Variants in SMIM24 observed in about 807,000 individuals in gnomAD.
The protein encoded by SMIM24 is small integral membrane protein 24, also known as MAP17-related dimer.
A neutral mutation model predicts 10.8 loss-of-function variants in SMIM24; 6 were observed. That is an observed-to-expected ratio of 0.55 (90% CI 0.30 to 1.09). SMIM24 has a LOEUF of 1.09. Ranked by LOEUF, SMIM24 falls within the 50% of genes least tolerant of loss-of-function variation. SMIM24 has a pLI of 0.06. For synonymous variants in SMIM24, 71 were observed against 62.4 expected (o/e 1.14, Z -0.65); for missense variants, 151 against 153.4 (o/e 0.98, Z 0.08).
chr19:3,474,872 G>A lies in SMIM24; in HGVS notation c.364C>T (p.His122Tyr). The change falls in exon 4 of 4, where the codon CAT (histidine) becomes TAT (tyrosine). Residue 122 changes from histidine to tyrosine, a missense_variant. Coordinates refer to ENST00000215531, the MANE Select transcript of SMIM24 (RefSeq NM_001136503.2). ...ATGACTGTGCTCTTTGCTCTCTCATGGTCTCCGGGCTCTTTTTCCTCCAGA... is the reference window on the plus strand; with the variant it reads ...ATGACTGTGCTCTTTGCTCTCTCATAGTCTCCGGGCTCTTTTTCCTCCAGA... ...LDLEEKEPGD[H>Y]ERAKSTVM 1.3e-6 allele frequency: 2 copies of A among 1,551,586 alleles called. No individual in the cohort carries two copies. Among genetic ancestry groups the A allele is most frequent in the Non-Finnish European group, 1.7e-6 (2 of 1,146,992 alleles).
chr19:3,479,626 G>T (rs1017893825), intron 1 of SMIM24, among the ~76,000 whole-genome samples: 1 of 147,702 alleles, frequency 6.8e-6, no homozygotes, highest in Non-Finnish European at 1.5e-5. Context: ...CAACAGACGA[G>T]GGGCTCAGGG....
At chr19:3,479,403 A>G in intron 1 of SMIM24, among the ~76,000 whole-genome samples, 2 of 99,334 alleles carry the variant, frequency 2.0e-5, no homozygotes, top group Admixed American at 1.1e-4. Flanking sequence ...TATAAAGAAG[A>G]GTCTGGGGGG....
rs1008120078 is a variant in SMIM24 at position 3,480,386 on chromosome 19, C to T, written c.67+11G>A. ...ATCCCGCGACGCCCCCTCCCGCCCC[C>T]CTGCACCTACCCTGCTGGGCCTCCA... On this transcript the variant is annotated intron_variant, in intron 1 of 3. Transcript: ENST00000215531. The T allele has an allele frequency of 1.2e-4, 178 of 1,546,090 alleles. No homozygotes were observed. The highest frequency in any genetic ancestry group is 1.5e-4 in the Non-Finnish European group (173 of 1,144,462).
Position 3,474,727 on chromosome 19 carries a change from A to G in SMIM24, c.*116T>C, listed in dbSNP as rs1034276978. On this transcript the variant is annotated 3_prime_UTR_variant, in exon 4 of 4. Transcript: ENST00000215531. ...TTCCAAGCCTTCTTCACTTGAGAAC[A>G]CTGTATTCTGAATCCCAGATGGAGT... 32 of 1,328,912 alleles carry G rather than the reference A, an allele frequency of 2.4e-5. No homozygotes were observed. Among genetic ancestry groups the G allele is most frequent in the Non-Finnish European group, 2.9e-5 (29 of 997,700 alleles). The allele number at this position is 1,328,912 out of a possible 1,614,324, so 82.3% of individuals were successfully genotyped here. A position where few individuals can be genotyped will look rare whatever the true frequency, so the allele number is the denominator to read the frequency against.
chr19:3,478,841 G>A lies in SMIM24; in HGVS notation c.156C>T (p.Asn52=), dbSNP rs2082804381. Residue 52 remains asparagine, a synonymous_variant, in exon 2 of 4, where the codon AAC becomes AAT. Transcript: ENST00000215531. ...LFIVYLVLLA[N]RLWCSKARAE... ...ACCTGGCCTTGGAACACCAGAGGCG[G>A]TTGGCCAGCAAGACCAAATAGACGA... is the stretch of plus-strand genomic sequence containing the variant. The A allele has an allele frequency of 6.5e-7, 1 of 1,549,732 alleles. No individual in the cohort carries two copies. The highest frequency in any genetic ancestry group is 2.4e-5 in the East Asian group (1 of 40,886).
Position 3,474,126 on chromosome 19 carries a change from C to T in SMIM24, c.*717G>A, listed in dbSNP as rs2082783506. ...TGCAGGGCCCTGGGGCACCCCCACC[C>T]TCCAAGATACAGCTCCCAGGAAAAA... On this transcript the variant is annotated 3_prime_UTR_variant, in exon 4 of 4. Coordinates refer to ENST00000215531, the MANE Select transcript of SMIM24 (RefSeq NM_001136503.2). 1 of 151,614 alleles carries T rather than the reference C, an allele frequency of 6.6e-6. No homozygotes were observed. Among genetic ancestry groups the T allele is most frequent in the African/African-American group, 2.4e-5 (1 of 41,294 alleles). 9.4% of individuals were successfully genotyped at this position (151,614 alleles called of 1,614,324 possible).
At position 3,479,557 on chromosome 19, in the gene SMIM24, G is replaced by A. The variant is rs138576819; in HGVS notation, c.68-628C>T. Among the ~76,000 whole-genome samples the A allele has an allele frequency of 8.1e-3, 1,217 of 150,668 alleles. 21 individuals carry two copies. Among genetic ancestry groups the A allele is most frequent in the African/African-American group, 0.028 (1,125 of 40,848 alleles). On this transcript the variant is annotated intron_variant, in intron 1 of 3. Transcript: ENST00000215531. ...CAGAGTGGGAGGGGCTTATAAAGGC[G>A]GCAGAGGCTCAGGAGGAGGGGCTTA...
chr19:3,476,710 G>C (rs921126418), intron 3 of SMIM24, among the ~76,000 whole-genome samples: 1 of 152,046 alleles, frequency 6.6e-6, no homozygotes, highest in Non-Finnish European at 1.5e-5. Flanking sequence ...CTGTCCCCAA[G>C]CCTTTGCCCA....
chr19:3,479,589 A>G (rs770676014), intron 1 of SMIM24, among the ~76,000 whole-genome samples: 5 of 142,636 alleles, frequency 3.5e-5, no homozygotes, highest in Non-Finnish European at 7.6e-5. Context: ...CTTATAAAGA[A>G]GGAGGAGCTC....
At position 3,474,791 on chromosome 19, in the gene SMIM24, G is replaced by A. The variant is rs1240794539; in HGVS notation, c.*52C>T. On this transcript the variant is annotated 3_prime_UTR_variant, in exon 4 of 4. Transcript: ENST00000215531. ...TCAAGTCCAGGGCACTGCTTTTAGG[G>A]GGCAGAAGAGGCATCTCTGGGGGAC... is the stretch of plus-strand genomic sequence containing the variant. 1.3e-6 allele frequency: 2 copies of A among 1,534,024 alleles called. No individual in the cohort carries two copies. The highest frequency in any genetic ancestry group is 2.1e-5 in the Admixed American group (1 of 48,166).
At chr19:3,477,233 CGGGTTGGTGA>C (rs2082796462) in intron 3 of SMIM24, among the ~76,000 whole-genome samples, 2 of 51,766 alleles carry the variant, frequency 3.9e-5, no homozygotes, top group Non-Finnish European at 3.7e-5. Context: ...AGTGGGTGGA[CGGGTTGGTGA>C]ATGGATGGGT....
chr19:3,476,759 T>C (rs1233202458), intron 3 of SMIM24, among the ~76,000 whole-genome samples: 1 of 151,724 alleles, frequency 6.6e-6, no homozygotes, highest in Non-Finnish European at 1.5e-5. Context: ...GATGGATGGA[T>C]GGATGGAAGG....
Position 3,480,472 on chromosome 19 carries a change from A to G in SMIM24, c.-9T>C. The G allele has an allele frequency of 6.5e-7, 1 of 1,548,292 alleles. No individual in the cohort carries two copies. The highest frequency in any genetic ancestry group is 8.7e-7 in the Non-Finnish European group (1 of 1,146,028). ...GCCCCCAGGGTCTCCATGACGGTCG[A>G]GTGAGCCAGCAGCCAGCCAGCGGCG... is the stretch of plus-strand genomic sequence containing the variant. On this transcript the variant is annotated 5_prime_UTR_variant, in exon 1 of 4. Coordinates refer to ENST00000215531, the MANE Select transcript of SMIM24 (RefSeq NM_001136503.2).
At chr19:3,476,579 T>G (rs2082792785) in intron 3 of SMIM24, among the ~76,000 whole-genome samples, 1 of 152,066 alleles carries the variant, frequency 6.6e-6, no homozygotes, top group Non-Finnish European at 1.5e-5. Flanking sequence ...CATATTTTAC[T>G]GGGGCTGAGC....
At chr19:3,479,727 G>T (rs549857879) in intron 1 of SMIM24, among the ~76,000 whole-genome samples, 31 of 134,640 alleles carry the variant, frequency 2.3e-4, no homozygotes, top group Admixed American at 1.9e-3. Flanking sequence ...GGGGCTCAGA[G>T]TGGGAGGGGC....
In SMIM24 at chr19:3,474,990, G is replaced by T; in HGVS notation, c.246C>A (p.Asp82Glu). Residue 82 changes from aspartate to glutamate, a missense_variant, in exon 4 of 4, where the codon GAC becomes GAA. By Grantham distance (45) the Asp-to-Glu change is conservative. Transcript: ENST00000215531. Reference sequence around the variant, plus strand: ...CCTTGGCCTCTTTCTTCTCTCTCTTGTCTTCACTGTAGGGATACAAAGGCC... The same window carrying T: ...CCTTGGCCTCTTTCTTCTCTCTCTTTTCTTCACTGTAGGGATACAAAGGCC... ...ESNLYQDQSE[D>E]KREKKEAKEK... The T allele has an allele frequency of 1.3e-6, 2 of 1,550,646 alleles. No homozygotes were observed. The highest frequency in any genetic ancestry group is 1.7e-6 in the Non-Finnish European group (2 of 1,146,786).
Position 3,480,508 on chromosome 19 carries a change from G to C in SMIM24, c.-45C>G, listed in dbSNP as rs1051121152. 2.6e-6 allele frequency: 4 copies of C among 1,537,966 alleles called. No homozygotes were observed. The highest frequency in any genetic ancestry group is 3.5e-6 in the Non-Finnish European group (4 of 1,137,544). ...AGCCAGCCAGCGGCGGTCCCGGGTCGGCGTCCACAGGTTTGGTGTGGGCGA... is the reference window on the plus strand; with the variant it reads ...AGCCAGCCAGCGGCGGTCCCGGGTCCGCGTCCACAGGTTTGGTGTGGGCGA... On this transcript the variant is annotated 5_prime_UTR_variant, in exon 1 of 4. Transcript: ENST00000215531.
chr19:3,475,101 A>T, intron 3 of SMIM24, 105 bp from the exon 4 acceptor site: 1 of 1,257,662 alleles, frequency 8.0e-7, no homozygotes, highest in Non-Finnish European at 1.1e-6. Context: ...TACAAGCGGT[A>T]TCTCAGTGAA....
intron 3 of SMIM24, among the ~76,000 whole-genome samples, chr19:3,477,782 T>G (rs1220039378): frequency 1.6e-5 from 2 of 123,870 alleles, no homozygotes; most frequent in Non-Finnish European, 3.4e-5. Context: ...AATGGGTGAG[T>G]GGGTGGATGA....
Sources: allele counts gnomAD v4.1 joint callset (sites outside exome capture counted in the v4.1 genomes callset), GRCh38; gene constraint gnomAD v4.1.1; transcripts MANE v1.5; gene names NCBI Gene and HGNC (gene_info 2026-07-23, HGNC 2026-07-21).